Variants in NAA38 observed in about 807,000 individuals in gnomAD.
NAA38 encodes N-alpha-acetyltransferase 38, NatC auxiliary subunit.
A neutral mutation model predicts 12.6 loss-of-function variants in NAA38; 15 were observed. That is an observed-to-expected ratio of 1.19 (90% confidence interval 0.79 to 1.83). NAA38 has a LOEUF of 1.83. NAA38 is among the 40% of genes most tolerant of loss of function. NAA38 has a pLI of 0.00. For synonymous variants in NAA38, 88 were observed against 69.9 expected, an observed-to-expected ratio of 1.26 and a Z score of -1.29; for missense variants, 183 against 171.7, an observed-to-expected ratio of 1.07 and a Z score of -0.37.
chr17:7,882,190 C>A (rs113276704), intron 2 of NAA38, among the ~76,000 whole-genome samples: 1 of 152,278 alleles, frequency 6.6e-6, no homozygotes, highest in Non-Finnish European at 1.5e-5. Flanking sequence ...CCCGCACCTG[C>A]AGATCATGGC....
intron 2 of NAA38, among the ~76,000 whole-genome samples, chr17:7,875,714 A>G (rs963473504): frequency 1.3e-5 from 2 of 152,142 alleles, no homozygotes; most frequent in African/African-American, 4.8e-5. Flanking sequence ...GGTTTTTAGT[A>G]TATTCACAAG....
upstream of NAA38, chr17:7,857,974 A>T (rs1200348935): frequency 6.7e-7 from 1 of 1,482,690 alleles, no homozygotes; most frequent in Non-Finnish European, 8.9e-7. Context: ...CCTGATATTT[A>T]TCTCAGTGGA....
chr17:7,862,335 T>C (rs1440362712), upstream of NAA38: 1 of 152,156 alleles, frequency 6.6e-6, no homozygotes, highest in Non-Finnish European at 1.5e-5. Context: ...TGTGTCCTAG[T>C]AGGCAAGGAA....
intron 1 of NAA38, 42 bp from the exon 2 acceptor site, chr17:7,857,240 C>A (rs563393992): frequency 1.2e-6 from 2 of 1,610,520 alleles, no homozygotes; most frequent in Admixed American, 1.7e-5. Flanking sequence ...GCAGCCCAGG[C>A]TGCCCGCCCG....
chr17:7,882,020 T>A (rs1967281640), intron 2 of NAA38, among the ~76,000 whole-genome samples: 2 of 147,298 alleles, frequency 1.4e-5, no homozygotes, highest in Non-Finnish European at 1.5e-5. Context: ...AATCAAGAGG[T>A]CAGGAGAGAG....
At chr17:7,862,325 T>C (rs895985215), upstream of NAA38, 1 of 152,274 alleles carries the variant, frequency 6.6e-6, no homozygotes, top group Middle Eastern at 3.4e-3. Context: ...GGGGGGATGT[T>C]GTGTCCTAGT....
intron 1 of NAA38, chr17:7,884,969 G>A (rs750594284): frequency 1.5e-6 from 2 of 1,324,852 alleles, no homozygotes; most frequent in African/African-American, 1.5e-5. Context: ...ACTCGGGCGC[G>A]GGCCGGGCCA....
At chr17:7,884,308 G>A (rs867420872) in intron 1 of NAA38, among the ~76,000 whole-genome samples, 15 of 148,970 alleles carry the variant, frequency 1.0e-4, no homozygotes, top group African/African-American at 3.7e-4. Context: ...GGCGGTGCTG[G>A]AGGGGGGGTT....
chr17:7,858,371 G>A (rs555634732), upstream of NAA38: 21 of 1,614,128 alleles, frequency 1.3e-5, no homozygotes, highest in East Asian at 4.0e-4. Flanking sequence ...CGAAGGGCTG[G>A]CATTGACAGT....
chr17:7,865,566 T>C (rs1966949219), intron 3 of NAA38: 1 of 152,144 alleles, frequency 6.6e-6, no homozygotes, highest in Non-Finnish European at 1.5e-5. Flanking sequence ...CACAGGGCAG[T>C]TTGGGCTTCC....
At chr17:7,856,960 C>T (rs774961237) in intron 2 of NAA38, 55 bp downstream of exon 2, 3 of 1,587,080 alleles carry the variant, frequency 1.9e-6, no homozygotes, top group Non-Finnish European at 2.6e-6. Flanking sequence ...GGGGAAATGC[C>T]TTGCGTAAGG....
At chr17:7,882,941 G>A (rs1054186435) in intron 2 of NAA38, among the ~76,000 whole-genome samples, 1 of 152,182 alleles carries the variant, frequency 6.6e-6, no homozygotes, top group Admixed American at 6.5e-5. Flanking sequence ...CATGGAATGG[G>A]AAGCAAGGGA....
chr17:7,872,884 C>T (rs147187855), intron 2 of NAA38, among the ~76,000 whole-genome samples: 4 of 152,190 alleles, frequency 2.6e-5, no homozygotes, highest in South Asian at 4.2e-4. Context: ...TGTGCCTGGC[C>T]GTGTGCTAGA....
At chr17:7,863,336 G>C (rs1054925029) in intron 3 of NAA38, 1 of 152,162 alleles carries the variant, frequency 6.6e-6, no homozygotes, top group Non-Finnish European at 1.5e-5. Context: ...TTTTGTGTTA[G>C]AGGGTGGTGG....
intron 2 of NAA38, among the ~76,000 whole-genome samples, chr17:7,874,014 G>C (rs1285677111): frequency 2.6e-5 from 4 of 152,128 alleles, no homozygotes; most frequent in Non-Finnish European, 5.9e-5. Flanking sequence ...TTGCATCCTG[G>C]GTGTAAACAA....
chr17:7,865,305 A>G (rs1966944602), intron 3 of NAA38: 1 of 152,212 alleles, frequency 6.6e-6, no homozygotes, highest in South Asian at 2.1e-4. Flanking sequence ...CATACAACTA[A>G]TGAGTACCAA....
At chr17:7,874,885 CAAA>C (rs35962141) in intron 2 of NAA38, among the ~76,000 whole-genome samples, 2 of 45,494 alleles carry the variant, frequency 4.4e-5, no homozygotes, top group Admixed American at 2.6e-4. Context: ...AACTCCATCT[CAAA>C]AAAAAAAAAA....
rs750660950 is a variant in NAA38 at position 7,856,852 on chromosome 17, AAGGATCAGAGCATCAGGAAAGT to A, written c.266-31_266-10del. On this transcript the variant is annotated splice_polypyrimidine_tract_variant and intron_variant, in intron 2 of 2. Transcript: ENST00000575771. ...CCCGGCAGAGAAGGAATCTGGAAAG[AAGGATCAGAGCATCAGGAAAGT>A]AGGCCAGAATCAGTCCCGCCCCTCT... The A allele has an allele frequency of 3.1e-6, 5 of 1,613,340 alleles. No homozygotes were observed. The highest frequency in any genetic ancestry group is 4.2e-6 in the Non-Finnish European group (5 of 1,179,800).
chr17:7,858,500 G>A (rs962070935), upstream of NAA38: 5 of 1,614,054 alleles, frequency 3.1e-6, no homozygotes, highest in African/African-American at 5.3e-5. Context: ...CTGGAACCTG[G>A]GATTGTGGGT....
Sources: allele counts gnomAD v4.1 joint callset (sites outside exome capture counted in the v4.1 genomes callset), GRCh38; gene constraint gnomAD v4.1.1; transcripts MANE v1.5; gene names NCBI Gene and HGNC (gene_info 2026-07-23, HGNC 2026-07-21).